Variants in KCNK6 observed in about 807,000 individuals in gnomAD.
KCNK6 encodes potassium two pore domain channel subfamily K member 6.
Under a neutral mutation model 21.9 loss-of-function variants are expected in KCNK6, and 20 were observed. That is an observed-to-expected ratio of 0.91 (90% confidence interval 0.64 to 1.32). The LOEUF (loss-of-function observed/expected upper bound fraction) is 1.32. Among genes scored for constraint, KCNK6 ranks in the 40% most tolerant of loss-of-function variants. The probability of loss-of-function intolerance (pLI) is 0.00; values close to 1 mark genes in which losing one functional copy is unlikely to be tolerated. For synonymous variants in KCNK6, 210 were observed against 218.0 expected, an observed-to-expected ratio of 0.96 and a Z score of 0.32; for missense variants, 415 against 433.1, an observed-to-expected ratio of 0.96 and a Z score of 0.37.
chr19:38,327,828 C>A lies in KCNK6; in HGVS notation c.*425C>A. 4.5e-6 allele frequency: 1 copy of A among 220,106 alleles called. No homozygotes were observed. Among genetic ancestry groups the A allele is most frequent in the Non-Finnish European group, 9.3e-6 (1 of 107,900 alleles). 13.6% of individuals were successfully genotyped at this position (220,106 alleles called of 1,614,324 possible). On this transcript the variant is annotated 3_prime_UTR_variant, in exon 3 of 3. Coordinates refer to ENST00000263372, the MANE Select transcript of KCNK6 (RefSeq NM_004823.3). ...TTCAGGCACCAGATTGGTCGCTACA[C>A]CCTGGACAAGTGACTGCCCGTCTCT...
chr19:38,330,590 CTG>C lies in KCNK6; in HGVS notation c.*3189_*3190del, dbSNP rs1165059384. 1 of 148,238 alleles carries C rather than the reference CTG, an allele frequency of 6.7e-6. No individual in the cohort carries two copies. The highest frequency in any genetic ancestry group is 1.5e-5 in the Non-Finnish European group (1 of 67,676). 9.2% of individuals were successfully genotyped at this position (148,238 alleles called of 1,614,324 possible). ...GCTGCAGTGAGCTGTGATTGCATCA[CTG>C]TACTCCAGCTTGGGTGACAGAGCAA... On this transcript the variant is annotated 3_prime_UTR_variant, in exon 3 of 3. Transcript: ENST00000263372.
At chr19:38,320,536 G>C (rs1424423873) in intron 1 of KCNK6, among the ~76,000 whole-genome samples, 2 of 151,116 alleles carry the variant, frequency 1.3e-5, no homozygotes, top group Non-Finnish European at 3.0e-5. Context: ...CTGGGACCCC[G>C]TTCCTCGGTC....
In KCNK6 at chr19:38,329,993, T is replaced by A. The variant is rs1287892729; in HGVS notation, c.*2590T>A. The A allele has an allele frequency of 6.6e-6, 1 of 152,088 alleles. No homozygotes were observed. Among genetic ancestry groups the A allele is most frequent in the Non-Finnish European group, 1.5e-5 (1 of 68,074 alleles). The allele number at this position is 152,088 out of a possible 1,614,324, so 9.4% of individuals were successfully genotyped here. On this transcript the variant is annotated 3_prime_UTR_variant, in exon 3 of 3. Coordinates refer to ENST00000263372, the MANE Select transcript of KCNK6 (RefSeq NM_004823.3). ...CGGAGACGCTGAGGCTGCTTTAGAA[T>A]ATGGTGGGTGTGTGGGGCAAAAGGG...
At chr19:38,327,038 C>T in intron 2 of KCNK6, 50 bp downstream of exon 2, 1 of 1,567,006 alleles carries the variant, frequency 6.4e-7, no homozygotes, top group Admixed American at 1.8e-5. Flanking sequence ...AGCCCTGTCC[C>T]TGGGGGAGTT....
chr19:38,327,282 C>A lies in KCNK6; in HGVS notation c.821C>A (p.Pro274Gln). 6 of 1,613,746 alleles carry A rather than the reference C, an allele frequency of 3.7e-6. No individual in the cohort carries two copies. Among genetic ancestry groups the A allele is most frequent in the Non-Finnish European group, 5.1e-6 (6 of 1,180,034 alleles). Residue 274 changes from proline to glutamine, a missense_variant, in exon 3 of 3, where the codon CCG becomes CAG. Coordinates refer to ENST00000263372, the MANE Select transcript of KCNK6 (RefSeq NM_004823.3). Reference protein sequence around the residue: ...GLTELILLPPPCPASFNADED... With the variant: ...GLTELILLPPQCPASFNADED... ...ACGGAGCTCATCCTGCTGCCCCCTC[C>A]GTGCCCTGCCAGTTTCAATGCGGAT... is the stretch of plus-strand genomic sequence containing the variant.
Position 38,320,404 on chromosome 19 carries a change from C to T in KCNK6, c.322+132C>T. On this transcript the variant is annotated intron_variant, in intron 1 of 2. Coordinates refer to ENST00000263372, the MANE Select transcript of KCNK6 (RefSeq NM_004823.3). Reference sequence around the variant, plus strand: ...CTGGGCTTCGGATCCCCCGAAAAGACCCCAGTGAGGACCCGGGACCCAGGC... The same window carrying T: ...CTGGGCTTCGGATCCCCCGAAAAGATCCCAGTGAGGACCCGGGACCCAGGC... 1.0e-5 allele frequency: 10 copies of T among 964,856 alleles called. 1 individual carries two copies. The highest frequency in any genetic ancestry group is 1.5e-5 in the Non-Finnish European group (10 of 672,368). The allele number at this position is 964,856 out of a possible 1,614,324, so 59.8% of individuals were successfully genotyped here.
In KCNK6 at chr19:38,327,271, G is replaced by T; in HGVS notation, c.810G>T (p.Leu270=). 1 of 1,613,642 alleles carries T rather than the reference G, an allele frequency of 6.2e-7. No individual in the cohort carries two copies. ...TCCACGGCCTCACGGAGCTCATCCTGCTGCCCCCTCCGTGCCCTGCCAGTT... is the reference window on the plus strand; with the variant it reads ...TCCACGGCCTCACGGAGCTCATCCTTCTGCCCCCTCCGTGCCCTGCCAGTT... ...SDLHGLTELI[L]LPPPCPASFN... is the part of the protein sequence containing the mutation. Residue 270 remains leucine, a synonymous_variant, in exon 3 of 3, where the codon CTG becomes CTT. Coordinates refer to ENST00000263372, the MANE Select transcript of KCNK6 (RefSeq NM_004823.3).
chr19:38,323,297 G>A (rs1441569690), intron 1 of KCNK6, among the ~76,000 whole-genome samples: 1 of 152,226 alleles, frequency 6.6e-6, no homozygotes, highest in Non-Finnish European at 1.5e-5. Context: ...TTGAGTTAAT[G>A]TTGACTGTTT....
intron 1 of KCNK6, among the ~76,000 whole-genome samples, chr19:38,320,891 C>G (rs893496861): frequency 6.6e-6 from 1 of 152,094 alleles, no homozygotes; most frequent in Non-Finnish European, 1.5e-5. Flanking sequence ...CTTGGTGACC[C>G]GGGTCTGTCC....
At position 38,319,889 on chromosome 19, in the gene KCNK6, G is replaced by A; in HGVS notation, c.-62G>A. The stretch of plus-strand genomic sequence containing the variant: ...CGGAACTGGAACTAGGTGCCAGACG[G>A]TCCGGAGGCGGGGGCCACGTCAGCG... On this transcript the variant is annotated 5_prime_UTR_variant, in exon 1 of 3. Coordinates refer to ENST00000263372, the MANE Select transcript of KCNK6 (RefSeq NM_004823.3). 7.4e-7 allele frequency: 1 copy of A among 1,351,362 alleles called. No individual in the cohort carries two copies. The highest frequency in any genetic ancestry group is 9.5e-7 in the Non-Finnish European group (1 of 1,056,118). 83.7% of individuals were successfully genotyped at this position (1,351,362 alleles called of 1,614,324 possible).
rs1281735233 is a variant in KCNK6, at chr19:38,328,342, A to G, written c.*939A>G. ...GGAAACAGACATAGGACCCCAGCCCAGATCTGAATGGCATGGGAGGTGCTG... is the reference window on the plus strand; with the variant it reads ...GGAAACAGACATAGGACCCCAGCCCGGATCTGAATGGCATGGGAGGTGCTG... On this transcript the variant is annotated 3_prime_UTR_variant, in exon 3 of 3. Transcript: ENST00000263372. 1 of 152,320 alleles carries G rather than the reference A, an allele frequency of 6.6e-6. No individual in the cohort carries two copies. Among genetic ancestry groups the G allele is most frequent in the Non-Finnish European group, 1.5e-5 (1 of 68,146 alleles). 9.4% of individuals were successfully genotyped at this position (152,320 alleles called of 1,614,324 possible). A position where few individuals can be genotyped will look rare whatever the true frequency, so the allele number is the denominator to read the frequency against.
chr19:38,321,356 C>T (rs1028173841), intron 1 of KCNK6, among the ~76,000 whole-genome samples: 3 of 152,214 alleles, frequency 2.0e-5, no homozygotes, highest in African/African-American at 7.2e-5. Context: ...GGTACCCCAC[C>T]CCATCTTGAC....
Position 38,327,491 on chromosome 19 carries a change from G to A in KCNK6, c.*88G>A. ...GAGCTGGCTGTACAGGAATGTCCAC[G>A]AGCACAGCAGGTGATCTTGAGGCCT... On this transcript the variant is annotated 3_prime_UTR_variant, in exon 3 of 3. Transcript: ENST00000263372. 1 of 1,204,224 alleles carries A rather than the reference G, an allele frequency of 8.3e-7. No homozygotes were observed. Among genetic ancestry groups the A allele is most frequent in the South Asian group, 1.4e-5 (1 of 72,788 alleles). 74.6% of individuals were successfully genotyped at this position (1,204,224 alleles called of 1,614,324 possible).
Position 38,327,274 on chromosome 19 carries a change from G to GC in KCNK6, c.818dup (p.Pro274SerfsTer10). 6.2e-7 allele frequency: 1 copy of GC among 1,613,610 alleles called. No individual in the cohort carries two copies. The highest frequency in any genetic ancestry group is 1.1e-5 in the South Asian group (1 of 91,086). ...ACGGCCTCACGGAGCTCATCCTGCT[G>GC]CCCCCTCCGTGCCCTGCCAGTTTCA... On this transcript the variant is annotated frameshift_variant, in exon 3 of 3. Transcript: ENST00000263372. LOFTEE classifies it high-confidence loss of function.
chr19:38,328,268 C>T lies in KCNK6; in HGVS notation c.*865C>T, dbSNP rs1011979114. ...AGGGAGCAGGACCCATGGAGGGACC[C>T]CTGGTGTAGGCCTGGGCGATAGACT... On this transcript the variant is annotated 3_prime_UTR_variant, in exon 3 of 3. Coordinates refer to ENST00000263372, the MANE Select transcript of KCNK6 (RefSeq NM_004823.3). 2 of 152,264 alleles carry T rather than the reference C, an allele frequency of 1.3e-5. No homozygotes were observed. Among genetic ancestry groups the T allele is most frequent in the Admixed American group, 6.5e-5 (1 of 15,272 alleles). 9.4% of individuals were successfully genotyped at this position (152,264 alleles called of 1,614,324 possible).
At position 38,327,219 on chromosome 19, in the gene KCNK6, T is replaced by C; in HGVS notation, c.758T>C (p.Leu253Pro). Residue 253 changes from leucine to proline, a missense_variant, in exon 3 of 3, where the codon CTG becomes CCG. Coordinates refer to ENST00000263372, the MANE Select transcript of KCNK6 (RefSeq NM_004823.3). The stretch of plus-strand genomic sequence containing the variant: ...GGCCTGGTGGCCATGGTGCTGGTGC[T>C]GCAGACCTTCCGCCACGTGTCCGAC... The part of the protein sequence containing the change: ...FLGLVAMVLV[L>P]QTFRHVSDLH... 1 of 1,613,442 alleles carries C rather than the reference T, an allele frequency of 6.2e-7. No individual in the cohort carries two copies. Among genetic ancestry groups the C allele is most frequent in the Non-Finnish European group, 8.5e-7 (1 of 1,180,016 alleles).
intron 1 of KCNK6, among the ~76,000 whole-genome samples, chr19:38,322,264 A>T (rs1392581925): frequency 1.3e-5 from 2 of 152,224 alleles, no homozygotes; most frequent in African/African-American, 2.4e-5. Context: ...TGTGTGTTGT[A>T]AAAGAAAAAA....
chr19:38,326,661 G>A lies in KCNK6; in HGVS notation c.391G>A (p.Val131Met), dbSNP rs769997982. 1.4e-5 allele frequency: 23 copies of A among 1,608,886 alleles called. No homozygotes were observed. The highest frequency in any genetic ancestry group is 9.3e-5 in the African/African-American group (7 of 74,940). Reference protein sequence around the residue: ...AFSIAFALLGVPTTMLLLTAS... With the variant: ...AFSIAFALLGMPTTMLLLTAS... ...CTCCATCGCCTTTGCGCTCCTGGGC[G>A]TGCCGACCACCATGCTGCTGCTGAC... is the stretch of plus-strand genomic sequence containing the variant. Residue 131 changes from valine to methionine, a missense_variant, in exon 2 of 3, where the codon GTG becomes ATG. Val to Met is a conservative substitution (Grantham distance 21). Transcript: ENST00000263372.
intron 1 of KCNK6, among the ~76,000 whole-genome samples, chr19:38,326,251 C>T (rs1455675850): frequency 6.6e-6 from 1 of 152,026 alleles, no homozygotes; most frequent in Non-Finnish European, 1.5e-5. Flanking sequence ...GTTGAGTGGG[C>T]AGGAGGGTTT....
Sources: gnomAD v4.1 joint callset for allele counts (sites outside exome capture counted in the v4.1 genomes callset) on GRCh38, gnomAD v4.1.1 for gene constraint, MANE v1.5 for transcripts, NCBI Gene and HGNC (gene_info 2026-07-23, HGNC 2026-07-21) for gene names.